Variants in KMT2E observed in about 807,000 individuals in gnomAD.
KMT2E encodes lysine methyltransferase 2E (inactive).
Under a neutral mutation model 184.6 loss-of-function variants are expected in KMT2E, and 30 were observed. The ratio of observed to expected loss-of-function variants is 0.16; its 90% confidence interval spans 0.12 to 0.22. The LOEUF is 0.22. Ranked by LOEUF, KMT2E falls within the 10% of genes least tolerant of loss-of-function variation. The pLI is 1.00. For missense variants in KMT2E, 2,023 were observed against 2,237.4 expected, an observed-to-expected ratio of 0.90 and a Z score of 1.93; for synonymous variants, 815 against 776.5, an observed-to-expected ratio of 1.05 and a Z score of -0.82.
chr7:105,037,532 T>G (rs1795709839), intron 1 of KMT2E, among the ~76,000 whole-genome samples: 1 of 152,010 alleles, frequency 6.6e-6, no homozygotes, highest in Admixed American at 6.6e-5. Context: ...CCAGCTAGTT[T>G]TTGTATTTTT....
In KMT2E at chr7:105,091,247, A is replaced by G. The variant is rs1798192875; in HGVS notation, c.1655A>G (p.Lys552Arg). Reference protein sequence around the residue: ...EPDFIDDIEEKTPISNEVEME... With the variant: ...EPDFIDDIEERTPISNEVEME... ...GATTTTATTGATGATATAGAAGAAA[A>G]AACTCCTATTAGTAATGAAGTAGAA... The change falls in exon 15 of 27, where the codon AAA (lysine) becomes AGA (arginine). Residue 552 changes from lysine (K) to arginine (R), a missense_variant. By Grantham distance (26) the Lys-to-Arg change is conservative (BLOSUM62 2). Transcript: ENST00000311117. 1 of 1,589,512 alleles carries G rather than the reference A, an allele frequency of 6.3e-7. No individual in the cohort carries two copies. Among genetic ancestry groups the G allele is most frequent in the East Asian group, 2.2e-5 (1 of 44,770 alleles).
chr7:105,044,387 G>A (rs924084741), intron 3 of KMT2E, among the ~76,000 whole-genome samples: 1 of 152,064 alleles, frequency 6.6e-6, no homozygotes, highest in South Asian at 2.1e-4. Flanking sequence ...AGGACTTTAA[G>A]GTATTTTTTT....
At chr7:105,067,498 A>T (rs894478250) in intron 6 of KMT2E, among the ~76,000 whole-genome samples, 1 of 152,028 alleles carries the variant, frequency 6.6e-6, no homozygotes, top group Non-Finnish European at 1.5e-5. Flanking sequence ...CCACCACCCT[A>T]CCTCAGTAAT....
Position 105,077,198 on chromosome 7 carries a change from A to G in KMT2E, c.999+5A>G, listed in dbSNP as rs1450260684. On this transcript the variant is annotated splice_donor_5th_base_variant and intron_variant, in intron 10 of 26. Coordinates refer to ENST00000311117, the MANE Select transcript of KMT2E (RefSeq NM_182931.3). Reference sequence around the variant, plus strand: ...CTCTTCAAACCTCCTGTAGAGGTAAATACATCATTTGTCCAAAAATTGTAA... The same window carrying G: ...CTCTTCAAACCTCCTGTAGAGGTAAGTACATCATTTGTCCAAAAATTGTAA... The G allele has an allele frequency of 6.2e-7, 1 of 1,610,592 alleles. No individual in the cohort carries two copies. Among genetic ancestry groups the G allele is most frequent in the Admixed American group, 1.7e-5 (1 of 59,926 alleles).
intron 3 of KMT2E, among the ~76,000 whole-genome samples, chr7:105,058,584 TTA>T (rs1796665849): frequency 6.6e-6 from 1 of 152,212 alleles, no homozygotes; most frequent in Non-Finnish European, 1.5e-5. Context: ...CATTTTAGTT[TTA>T]GAGCTGAGTT....
At chr7:105,060,971 T>G (rs1253256986) in intron 3 of KMT2E, among the ~76,000 whole-genome samples, 1 of 152,198 alleles carries the variant, frequency 6.6e-6, no homozygotes. Context: ...TAATGATGTA[T>G]TTCTCAGAAT....
At chr7:105,058,436 A>G (rs569630383) in intron 3 of KMT2E, among the ~76,000 whole-genome samples, 3 of 152,326 alleles carry the variant, frequency 2.0e-5, no homozygotes, top group African/African-American at 7.2e-5. Context: ...GCCCAGATAT[A>G]TAACCTCTTA....
intron 15 of KMT2E, 150 bp from the exon 16 acceptor site, chr7:105,101,275 A>G (rs925092171): frequency 1.0e-5 from 5 of 490,074 alleles, no homozygotes; most frequent in African/African-American, 6.0e-5. Context: ...ATGAACAGAA[A>G]TGTTTTTTCT....
chr7:105,112,862 T>G lies in KMT2E; in HGVS notation c.5106T>G (p.Gly1702=). The G allele has an allele frequency of 1.4e-6, 2 of 1,467,988 alleles. No individual in the cohort carries two copies. The highest frequency in any genetic ancestry group is 1.8e-6 in the Non-Finnish European group (2 of 1,093,986). The allele number at this position is 1,467,988 out of a possible 1,614,324, so 90.9% of individuals were successfully genotyped here. Residue 1702 remains glycine, a synonymous_variant, in exon 27 of 27, where the codon GGT becomes GGG. Coordinates refer to ENST00000311117, the MANE Select transcript of KMT2E (RefSeq NM_182931.3). Reference sequence around the variant, plus strand: ...CCCATCCATCCACAGGACTCCAAGGTCTACAAGCACAACACCAGCATGTTG... The same window carrying G: ...CCCATCCATCCACAGGACTCCAAGGGCTACAAGCACAACACCAGCATGTTG... ...PPPHPSTGLQ[G]LQAQHQHVVN...
chr7:105,087,284 GATATAATAT>G (rs201239140), intron 13 of KMT2E, among the ~76,000 whole-genome samples: 17 of 143,874 alleles, frequency 1.2e-4, no homozygotes, highest in Non-Finnish European at 2.2e-4. Context: ...ATATAAATAT[GATATAATAT>G]ATATAATATA....
intron 6 of KMT2E, among the ~76,000 whole-genome samples, chr7:105,071,491 C>T (rs924458388): frequency 2.1e-5 from 3 of 146,068 alleles, no homozygotes; most frequent in Admixed American, 6.9e-5. Flanking sequence ...CTCAGCCTGC[C>T]GAGTAGCTGG....
chr7:105,081,163 T>C (rs1028666392), intron 12 of KMT2E, among the ~76,000 whole-genome samples: 3 of 151,964 alleles, frequency 2.0e-5, no homozygotes, highest in African/African-American at 7.3e-5. Flanking sequence ...CGGCACATCA[T>C]GAGGTCAGGA....
intron 15 of KMT2E, among the ~76,000 whole-genome samples, chr7:105,092,198 C>G (rs1461586322): frequency 6.6e-6 from 1 of 152,032 alleles, no homozygotes; most frequent in African/African-American, 2.4e-5. Flanking sequence ...GGTGGATTAC[C>G]TGAGGCCAGA....
Position 105,090,255 on chromosome 7 carries a change from A to T in KMT2E, c.1605A>T (p.Leu535=), listed in dbSNP as rs185794768. The stretch of plus-strand genomic sequence containing the variant: ...AAAGAAAGCTTTCTCCACTGAGACT[A>T]TCAGTATCAAATAATCAGGTACTGA... The part of the protein sequence containing the change: ...TKQRKLSPLR[L]SVSNNQEPDF... Residue 535 remains leucine, a synonymous_variant, in exon 14 of 27, where the codon CTA becomes CTT. Coordinates refer to ENST00000311117, the MANE Select transcript of KMT2E (RefSeq NM_182931.3). 5.0e-6 allele frequency: 8 copies of T among 1,592,810 alleles called. No homozygotes were observed. In the African/African-American group the frequency reaches 6.8e-5, roughly 14 times the overall value.
chr7:105,062,299 TG>T, intron 4 of KMT2E, 21 bp downstream of exon 4: 1 of 1,496,606 alleles, frequency 6.7e-7, no homozygotes, highest in Non-Finnish European at 9.2e-7. Flanking sequence ...AACACTTCTT[TG>T]AAAAAACATT....
chr7:105,101,352 CACAA>C (rs2129569477), intron 15 of KMT2E, 69 bp from the exon 16 acceptor site: 1 of 1,040,274 alleles, frequency 9.6e-7, no homozygotes, highest in Admixed American at 3.0e-5. Context: ...TTACATTTAT[CACAA>C]ACATTTGGAC....
intron 1 of KMT2E, among the ~76,000 whole-genome samples, chr7:105,016,764 ACT>A (rs1794732294): frequency 6.6e-6 from 1 of 152,162 alleles, no homozygotes; most frequent in Non-Finnish European, 1.5e-5. Context: ...AAGAGTATAC[ACT>A]GTTTCATGAT....
intron 6 of KMT2E, among the ~76,000 whole-genome samples, chr7:105,067,180 A>G (rs1453703783): frequency 6.6e-6 from 1 of 150,460 alleles, no homozygotes; most frequent in Non-Finnish European, 1.5e-5. Context: ...TTATTTTTGT[A>G]TTCTGACAAC....
chr7:105,113,527 ATCTT>A lies in KMT2E; in HGVS notation c.*196_*199del, dbSNP rs1799429526. ...ATGTGCTGTTAAGCCAGTATTAGGT[ATCTT>A]TATTTTGTAAGTGAACATTCCAGCT... On this transcript the variant is annotated 3_prime_UTR_variant, in exon 27 of 27. Coordinates refer to ENST00000311117, the MANE Select transcript of KMT2E (RefSeq NM_182931.3). 7.3e-6 allele frequency: 4 copies of A among 548,748 alleles called. No homozygotes were observed. The South Asian group carries it at 1.3e-4, about 18-fold the overall frequency. The allele number at this position is 548,748 out of a possible 1,614,324, so 34.0% of individuals were successfully genotyped here. A position where few individuals can be genotyped will look rare whatever the true frequency, so the allele number is the denominator to read the frequency against.
Sources: gnomAD v4.1 joint callset for allele counts (sites outside exome capture counted in the v4.1 genomes callset) on GRCh38, gnomAD v4.1.1 for gene constraint, MANE v1.5 for transcripts, NCBI Gene and HGNC (gene_info 2026-07-23, HGNC 2026-07-21) for gene names.